Variants in ATF1 observed in about 807,000 individuals in gnomAD.
The protein encoded by ATF1 is cyclic AMP-dependent transcription factor ATF-1.
ATF1 carries 16 observed loss-of-function variants against 34.7 expected under a neutral mutation model. That is an observed-to-expected ratio of 0.46 (90% CI 0.31 to 0.70). The LOEUF (loss-of-function observed/expected upper bound fraction) is 0.70, where lower values mean the gene tolerates loss of function less well. Among genes scored for constraint, ATF1 ranks in the 30% least tolerant of loss-of-function variants. ATF1 has a pLI of 0.05. For missense variants in ATF1, 255 were observed against 321.6 expected, an observed-to-expected ratio of 0.79 and a Z score of 1.58; for synonymous variants, 105 against 113.1, an observed-to-expected ratio of 0.93 and a Z score of 0.46.
intron 2 of ATF1, among the ~76,000 whole-genome samples, chr12:50,783,653 AG>A (rs1442951999): frequency 6.6e-6 from 1 of 151,926 alleles, no homozygotes; most frequent in African/African-American, 2.4e-5. Flanking sequence ...GTAGATCACG[AG>A]GGCAGGAGTT....
chr12:50,792,950 AAG>A (rs892464608), intron 2 of ATF1, among the ~76,000 whole-genome samples: 2 of 152,164 alleles, frequency 1.3e-5, no homozygotes, highest in Admixed American at 1.3e-4. Flanking sequence ...GTACGAAAGA[AAG>A]AGCCATCCTA....
intron 4 of ATF1, among the ~76,000 whole-genome samples, chr12:50,811,995 C>G (rs1293172147): frequency 2.6e-5 from 4 of 152,162 alleles, no homozygotes; most frequent in Non-Finnish European, 4.4e-5. Context: ...ATAGTAGCCA[C>G]TAAACCATGT....
intron 1 of ATF1, among the ~76,000 whole-genome samples, chr12:50,771,325 G>A (rs577946612): frequency 6.6e-6 from 1 of 152,160 alleles, no homozygotes; most frequent in East Asian, 1.9e-4. Context: ...TACTCTTGTG[G>A]AATATATTGC....
chr12:50,812,962 A>G (rs1168648233), intron 4 of ATF1, among the ~76,000 whole-genome samples: 1 of 152,224 alleles, frequency 6.6e-6, no homozygotes, highest in Non-Finnish European at 1.5e-5. Context: ...ACATATACAT[A>G]TACATGTATT....
rs1357147785 is a variant in ATF1, at chr12:50,820,298, T to C, written c.*519T>C. On this transcript the variant is annotated 3_prime_UTR_variant, in exon 7 of 7. Transcript: ENST00000262053. ...TATGTATACTTGTTCTAGTGTCAAGTCTTTTTAAGTGGGTTTTTAAAAGTT... is the reference window on the plus strand; with the variant it reads ...TATGTATACTTGTTCTAGTGTCAAGCCTTTTTAAGTGGGTTTTTAAAAGTT... 1 of 190,704 alleles carries C rather than the reference T, an allele frequency of 5.2e-6. No individual in the cohort carries two copies. The highest frequency in any genetic ancestry group is 1.1e-5 in the Non-Finnish European group (1 of 90,906). The allele number at this position is 190,704 out of a possible 1,614,324, so 11.8% of individuals were successfully genotyped here. A position where few individuals can be genotyped will look rare whatever the true frequency, so the allele number is the denominator to read the frequency against.
chr12:50,768,832 G>A (rs1300298102), intron 1 of ATF1, among the ~76,000 whole-genome samples: 1 of 152,054 alleles, frequency 6.6e-6, no homozygotes, highest in African/African-American at 2.4e-5. Context: ...ATGATTTGAG[G>A]TCATAAACTG....
At chr12:50,775,243 C>CT (rs911665153) in intron 1 of ATF1, among the ~76,000 whole-genome samples, 11 of 151,736 alleles carry the variant, frequency 7.2e-5, no homozygotes, top group African/African-American at 2.7e-4. Context: ...TGTTAGTTAT[C>CT]TTTTTTGTAG....
chr12:50,818,781 T>C (rs1020566869), intron 6 of ATF1, among the ~76,000 whole-genome samples: 1 of 152,166 alleles, frequency 6.6e-6, no homozygotes, highest in Admixed American at 6.5e-5. Flanking sequence ...AATTTTTGTA[T>C]TTTTAGTAGA....
chr12:50,773,260 A>G (rs1037869841), intron 1 of ATF1, among the ~76,000 whole-genome samples: 1 of 152,092 alleles, frequency 6.6e-6, no homozygotes, highest in Non-Finnish European at 1.5e-5. Flanking sequence ...AGAATGATTT[A>G]TATTCCTTTG....
At chr12:50,770,158 T>G (rs562154395) in intron 1 of ATF1, among the ~76,000 whole-genome samples, 1 of 152,348 alleles carries the variant, frequency 6.6e-6, no homozygotes, top group Non-Finnish European at 1.5e-5. Flanking sequence ...AAACTAGTTG[T>G]GAGTATTCTT....
In ATF1 at chr12:50,776,140, G is replaced by A. The variant is rs149137528; in HGVS notation, c.-6-4000G>A. Among the ~76,000 whole-genome samples the A allele has an allele frequency of 2.8e-3, 423 of 151,776 alleles. 2 individuals are homozygous for A. Among genetic ancestry groups the A allele is most frequent in the African/African-American group, 9.7e-3 (402 of 41,398 alleles). Reference sequence around the variant, plus strand: ...ATCCTGGCTAACACAGTGAAACCCCGTCTTTACTAAAAATACAAAAAATTA... The same window carrying A: ...ATCCTGGCTAACACAGTGAAACCCCATCTTTACTAAAAATACAAAAAATTA... On this transcript the variant is annotated intron_variant, in intron 1 of 6. Coordinates refer to ENST00000262053, the MANE Select transcript of ATF1 (RefSeq NM_005171.5).
In ATF1 at chr12:50,814,054, A is replaced by G; in HGVS notation, c.373A>G (p.Thr125Ala). The change falls in exon 5 of 7, where the codon ACA becomes GCA. Residue 125 changes from threonine (T) to alanine (A), a missense_variant. By Grantham distance (58) the Thr-to-Ala change is moderately conservative. This residue lies in a region of ATF1 where 221 missense variants were observed against 250.7 expected (regional missense o/e 0.88). Coordinates refer to ENST00000262053, the MANE Select transcript of ATF1 (RefSeq NM_005171.5). ...NGALQLASPGTDGVQGLQTLT... is the reference protein window; with the variant it reads ...NGALQLASPGADGVQGLQTLT... Reference sequence around the variant, plus strand: ...AGCCTTACAGTTGGCAAGTCCAGGCACAGATGGAGTACAGGGACTTCAGAC... The same window carrying G: ...AGCCTTACAGTTGGCAAGTCCAGGCGCAGATGGAGTACAGGGACTTCAGAC... 6.2e-7 allele frequency: 1 copy of G among 1,614,166 alleles called. No individual in the cohort carries two copies. Among genetic ancestry groups the G allele is most frequent in the Non-Finnish European group, 8.5e-7 (1 of 1,180,036 alleles).
intron 4 of ATF1, among the ~76,000 whole-genome samples, chr12:50,809,881 C>T (rs915995401): frequency 1.2e-4 from 19 of 152,038 alleles, no homozygotes; most frequent in Admixed American, 8.5e-4. Flanking sequence ...TTGCCCAGGC[C>T]GGAGTGCAGT....
intron 1 of ATF1, among the ~76,000 whole-genome samples, chr12:50,765,707 A>G (rs1472690007): frequency 6.6e-6 from 1 of 152,210 alleles, no homozygotes; most frequent in Non-Finnish European, 1.5e-5. Flanking sequence ...GACCTTGCTG[A>G]TAAAACAGGT....
chr12:50,798,499 C>T (rs979236518), intron 3 of ATF1, among the ~76,000 whole-genome samples: 2 of 151,840 alleles, frequency 1.3e-5, no homozygotes, highest in African/African-American at 4.8e-5. Context: ...TTAGTAGAGA[C>T]GGGGTTTCAC....
intron 3 of ATF1, among the ~76,000 whole-genome samples, chr12:50,801,573 A>G (rs1276474886): frequency 6.6e-6 from 1 of 152,206 alleles, no homozygotes. Context: ...ATCCTCGACA[A>G]CATATTAGCA....
intron 3 of ATF1, among the ~76,000 whole-genome samples, chr12:50,804,502 T>C (rs748630367): frequency 1.3e-4 from 20 of 152,066 alleles, no homozygotes; most frequent in Non-Finnish European, 2.4e-4. Context: ...CAGGGCAACA[T>C]AGTGAGACCC....
intron 1 of ATF1, among the ~76,000 whole-genome samples, chr12:50,773,821 C>T (rs1231110844): frequency 5.3e-5 from 8 of 151,918 alleles, no homozygotes; most frequent in Non-Finnish European, 1.0e-4. Flanking sequence ...AGCTCCTGAC[C>T]TCAAGTGATC....
chr12:50,807,966 T>C (rs34645899), intron 3 of ATF1, among the ~76,000 whole-genome samples: 54,566 of 151,680 alleles, frequency 0.36, 9,999 homozygotes, highest in Non-Finnish European at 0.39. Flanking sequence ...TGAGCCACCA[T>C]GCCCAGCTAA....
Sources: gnomAD v4.1 joint callset for allele counts (sites outside exome capture counted in the v4.1 genomes callset) on GRCh38, gnomAD v4.1.1 for gene constraint, gnomAD v4.1.1 regional missense constraint, MANE v1.5 for transcripts, NCBI Gene and HGNC (gene_info 2026-07-23, HGNC 2026-07-21) for gene names.